PLXNA4: variants seen among roughly 807,000 people sequenced by gnomAD.
The protein encoded by PLXNA4 is plexin A4.
In PLXNA4, 44 loss-of-function variants were observed where a neutral mutation model predicts 191.8. That is an observed-to-expected ratio of 0.23 (90% CI 0.18 to 0.29). The LOEUF (loss-of-function observed/expected upper bound fraction) is 0.29, where lower values mean the gene tolerates loss of function less well. PLXNA4 is among the 10% of genes least tolerant of loss of function. The pLI is 1.00. For synonymous variants in PLXNA4, 1,082 were observed against 1,009.5 expected (o/e 1.07, Z -1.36); for missense variants, 1,800 against 2,488.8 (o/e 0.72, Z 5.89).
chr7:132,519,745 C>T (rs1799098576), intron 1 of PLXNA4, among the ~76,000 whole-genome samples: 1 of 152,228 alleles, frequency 6.6e-6, no homozygotes, highest in African/African-American at 2.4e-5. Flanking sequence ...CACAGCCAGT[C>T]ATGCATCAGC....
intron 4 of PLXNA4, among the ~76,000 whole-genome samples, chr7:132,267,202 CA>C (rs1050490196): frequency 3.9e-5 from 6 of 152,282 alleles, no homozygotes; most frequent in Middle Eastern, 3.4e-3. Flanking sequence ...TTTCAGTCAT[CA>C]GTTCACCTTG....
At chr7:132,602,130 C>T (rs1217277145) in intron 2 of PLXNA4, among the ~76,000 whole-genome samples, 1 of 152,190 alleles carries the variant, frequency 6.6e-6, no homozygotes, top group African/African-American at 2.4e-5. Context: ...ATTTTTCAGA[C>T]TCTGGTATGA....
At chr7:132,494,498 T>C (rs1451644080) in intron 2 of PLXNA4, among the ~76,000 whole-genome samples, 1 of 152,102 alleles carries the variant, frequency 6.6e-6, no homozygotes, top group Non-Finnish European at 1.5e-5. Context: ...AGCATGTGCC[T>C]AGCATCCCGA....
chr7:132,142,251 A>T (rs1196748384), intron 29 of PLXNA4, among the ~76,000 whole-genome samples: 1 of 151,990 alleles, frequency 6.6e-6, no homozygotes, highest in Non-Finnish European at 1.5e-5. Flanking sequence ...GCCTGCTTGG[A>T]CGCAGGTGGG....
At chr7:132,266,154 T>C (rs1164419941) in intron 4 of PLXNA4, 1 of 149,876 alleles carries the variant, frequency 6.7e-6, no homozygotes, top group African/African-American at 2.5e-5. Context: ...TGTATATGTG[T>C]GGTGTATGTG....
chr7:132,454,388 G>A (rs771021501), intron 3 of PLXNA4, among the ~76,000 whole-genome samples: 4 of 152,088 alleles, frequency 2.6e-5, no homozygotes, highest in Non-Finnish European at 5.9e-5. Flanking sequence ...AAACCACAAA[G>A]CCAAAAGCTG....
intron 3 of PLXNA4, among the ~76,000 whole-genome samples, chr7:132,445,161 A>G (rs1267476439): frequency 1.4e-5 from 2 of 144,780 alleles, no homozygotes; most frequent in African/African-American, 5.3e-5. Flanking sequence ...TCTCAGGAAA[A>G]AAAAAAAAAA....
chr7:132,352,801 T>A (rs1803544963), intron 3 of PLXNA4, among the ~76,000 whole-genome samples: 1 of 152,180 alleles, frequency 6.6e-6, no homozygotes, highest in Non-Finnish European at 1.5e-5. Context: ...AGTAGGAGGC[T>A]TAATAACGTT....
chr7:132,536,239 C>T lies in PLXNA4; in HGVS notation c.-86-27460G>A, dbSNP rs567262146. On this transcript the variant is annotated intron_variant, in intron 1 of 31. Transcript: ENST00000321063. ...GTATTGGTGTTTGCGGTTATTATTG[C>T]CATCATGACTGTGTTACATTGTTCT... is the stretch of plus-strand genomic sequence containing the variant. Among the ~76,000 whole-genome samples, 4 of 152,292 alleles carry T rather than the reference C, an allele frequency of 2.6e-5. No homozygotes were observed. The East Asian group carries it at 7.7e-4, about 29-fold the overall frequency.
chr7:132,497,456 G>C (rs1388102748), intron 2 of PLXNA4, among the ~76,000 whole-genome samples: 1 of 152,218 alleles, frequency 6.6e-6, no homozygotes, highest in Non-Finnish European at 1.5e-5. Context: ...TAAGTGGAGA[G>C]TGTCCACAGG....
intron 3 of PLXNA4, among the ~76,000 whole-genome samples, chr7:132,325,399 A>C (rs749439330): frequency 1.3e-5 from 2 of 152,230 alleles, no homozygotes; most frequent in Non-Finnish European, 2.9e-5. Flanking sequence ...AACAGTTGTT[A>C]TGGGTTGAAC....
chr7:132,285,964 A>C (rs1422194384), intron 4 of PLXNA4, among the ~76,000 whole-genome samples: 2 of 144,036 alleles, frequency 1.4e-5, no homozygotes, highest in Non-Finnish European at 3.0e-5. Context: ...TGGTAGTCTT[A>C]AGAAAGAGCC....
At chr7:132,487,608 C>A (rs1449191206) in intron 3 of PLXNA4, among the ~76,000 whole-genome samples, 1 of 152,200 alleles carries the variant, frequency 6.6e-6, no homozygotes, top group Non-Finnish European at 1.5e-5. Flanking sequence ...GTTTGGCTAT[C>A]TGGTTTCCTA....
At chr7:132,562,453 CTTCTCCTCCTCCTCCT>C (rs1352796122) in intron 1 of PLXNA4, among the ~76,000 whole-genome samples, 1 of 94,334 alleles carries the variant, frequency 1.1e-5, no homozygotes, top group Non-Finnish European at 2.5e-5. Flanking sequence ...CCTCCTCCTC[CTTCTCCTCCTCCTCCT>C]TTCTCCTCCT....
At chr7:132,614,309 G>A (rs550150664) in intron 2 of PLXNA4, among the ~76,000 whole-genome samples, 1 of 152,248 alleles carries the variant, frequency 6.6e-6, no homozygotes, top group Admixed American at 6.5e-5. Flanking sequence ...TTGACACACT[G>A]CACATCTCAA....
At chr7:132,471,769 A>T (rs1208445181) in intron 3 of PLXNA4, among the ~76,000 whole-genome samples, 1 of 152,070 alleles carries the variant, frequency 6.6e-6, no homozygotes, top group East Asian at 1.9e-4. Context: ...CCCTTCACCC[A>T]CTTCCCCACA....
At chr7:132,590,026 A>G (rs931547122) in intron 2 of PLXNA4, among the ~76,000 whole-genome samples, 4 of 152,258 alleles carry the variant, frequency 2.6e-5, no homozygotes, top group East Asian at 1.9e-4. Flanking sequence ...GAAAGGGTCA[A>G]TGTGGGTAGA....
intron 3 of PLXNA4, among the ~76,000 whole-genome samples, chr7:132,429,229 A>G (rs563465013): frequency 6.6e-6 from 1 of 152,232 alleles, no homozygotes; most frequent in East Asian, 1.9e-4. Flanking sequence ...CCAGGCCAAC[A>G]CTTTGTCCAT....
intron 1 of PLXNA4, among the ~76,000 whole-genome samples, chr7:132,555,386 C>T (rs1417274401): frequency 6.6e-6 from 1 of 152,122 alleles, no homozygotes; most frequent in Non-Finnish European, 1.5e-5. Flanking sequence ...TTGTTGAAGC[C>T]CAGTGTTAGA....
Sources: gnomAD v4.1 joint callset for allele counts (sites outside exome capture counted in the v4.1 genomes callset) on GRCh38, gnomAD v4.1.1 for gene constraint, MANE v1.5 for transcripts, NCBI Gene and HGNC (gene_info 2026-07-23, HGNC 2026-07-21) for gene names.